The following ADGRE1 variants were observed in gnomAD, a reference collection of about 807,000 sequenced individuals.
ADGRE1 encodes adhesion G protein-coupled receptor E1, also known as EGF-like module receptor 1.
In ADGRE1, 82 loss-of-function variants were observed where a neutral mutation model predicts 102.7. The observed-to-expected ratio is 0.80, with a 90% CI of 0.67 to 0.96. The LOEUF (loss-of-function observed/expected upper bound fraction) is 0.96, where lower values mean the gene tolerates loss of function less well. Ranked by LOEUF, ADGRE1 falls within the 40% of genes least tolerant of loss-of-function variation. ADGRE1 has a pLI of 0.00. For missense variants in ADGRE1, 1,032 were observed against 1,085.3 expected (o/e 0.95, Z 0.69); for synonymous variants, 398 against 399.6 (o/e 1.00, Z 0.05).
chr19:6,906,006 G>A (rs1292733859), intron 8 of ADGRE1, among the ~76,000 whole-genome samples: 2 of 152,120 alleles, frequency 1.3e-5, no homozygotes, highest in Non-Finnish European at 2.9e-5. Context: ...TATTGCTTGT[G>A]TTTGGAGCTT....
intron 5 of ADGRE1, chr19:6,897,795 T>C (rs1973618834): frequency 7.6e-6 from 2 of 264,726 alleles, no homozygotes; most frequent in South Asian, 2.4e-4. Flanking sequence ...TTTTATCTGG[T>C]TTAACAATCT....
chr19:6,892,304 A>T (rs1183309885), intron 2 of ADGRE1, among the ~76,000 whole-genome samples: 7 of 152,194 alleles, frequency 4.6e-5, no homozygotes, highest in Non-Finnish European at 4.4e-5. Context: ...ATAATGTCAC[A>T]ATCACGATAA....
chr19:6,934,779 T>C (rs1975322191), intron 17 of ADGRE1, among the ~76,000 whole-genome samples: 1 of 151,076 alleles, frequency 6.6e-6, no homozygotes, highest in Admixed American at 6.6e-5. Flanking sequence ...TTTTTTTTTT[T>C]TGTATTTTAG....
At position 6,926,617 on chromosome 19, in the gene ADGRE1, T is replaced by G; in HGVS notation, c.2222+16T>G. On this transcript the variant is annotated intron_variant, in intron 16 of 20. Transcript: ENST00000312053. ...TGCATAATCGGTGAGTGACATCCTC[T>G]CTCTTCCTGAAGACCCTGCTGCCAG... 1.2e-6 allele frequency: 2 copies of G among 1,613,246 alleles called. No homozygotes were observed. The highest frequency in any genetic ancestry group is 1.7e-6 in the Non-Finnish European group (2 of 1,179,166).
Position 6,921,888 on chromosome 19 carries a change from G to C in ADGRE1, c.1791+5G>C. Reference sequence around the variant, plus strand: ...ATGGCGTCTGGGGAGCTCACGGTCAGTACTGATGATTTGTTCCCTGAGGCA... The same window carrying C: ...ATGGCGTCTGGGGAGCTCACGGTCACTACTGATGATTTGTTCCCTGAGGCA... On this transcript the variant is annotated splice_donor_5th_base_variant and intron_variant, in intron 14 of 20. Transcript: ENST00000312053. The C allele has an allele frequency of 6.3e-7, 1 of 1,598,086 alleles. No individual in the cohort carries two copies. Among genetic ancestry groups the C allele is most frequent in the Non-Finnish European group, 8.5e-7 (1 of 1,171,028 alleles).
chr19:6,902,367 G>C (rs1188954908), intron 6 of ADGRE1, among the ~76,000 whole-genome samples: 1 of 152,070 alleles, frequency 6.6e-6, no homozygotes, highest in Non-Finnish European at 1.5e-5. Flanking sequence ...GAATGTCCAT[G>C]TTCTCAACCC....
Position 6,913,800 on chromosome 19 carries a change from A to G in ADGRE1, c.1270A>G (p.Ile424Val), listed in dbSNP as rs457857. 0.76 allele frequency: 1,223,196 copies of G among 1,608,870 alleles called. 466,656 individuals carry two copies. The highest frequency in any genetic ancestry group is 0.8 in the East Asian group (35,585 of 44,606). ...LASFWKPSAN[I>V]TPAVRTEYLD... is the part of the protein sequence containing the mutation. ...ATCTTTTTGGAAACCCTCAGCAAATATCACTCCGGCTGTTCGGACGGAATA... is the reference window on the plus strand; with the variant it reads ...ATCTTTTTGGAAACCCTCAGCAAATGTCACTCCGGCTGTTCGGACGGAATA... The change falls in exon 11 of 21, where the codon ATC becomes GTC. Residue 424 changes from isoleucine (I) to valine (V), a missense_variant. By Grantham distance (29) the Ile-to-Val change is conservative. Coordinates refer to ENST00000312053, the MANE Select transcript of ADGRE1 (RefSeq NM_001974.5).
Position 6,934,989 on chromosome 19 carries a change from C to T in ADGRE1, c.2292C>T (p.Ile764=). 2 of 1,578,096 alleles carry T rather than the reference C, an allele frequency of 1.3e-6. No individual in the cohort carries two copies. Among genetic ancestry groups the T allele is most frequent in the Non-Finnish European group, 1.7e-6 (2 of 1,161,340 alleles). ...FLGPVCTVIV[I]NSLLLTWTLW... is the part of the protein sequence containing the mutation. ...CATCCTTCTGCTTGACTTTGCAGATCAACTCCCTTCTCCTGACCTGGACCT... is the reference window on the plus strand; with the variant it reads ...CATCCTTCTGCTTGACTTTGCAGATTAACTCCCTTCTCCTGACCTGGACCT... Residue 764 remains isoleucine, a splice_region_variant and synonymous_variant, in exon 18 of 21, where the codon ATC becomes ATT. Transcript: ENST00000312053.
In ADGRE1 at chr19:6,924,787, A is replaced by G. The variant is rs1206924352; in HGVS notation, c.1901A>G (p.Asn634Ser). The G allele has an allele frequency of 4.3e-6, 7 of 1,613,900 alleles. No individual in the cohort carries two copies. The highest frequency in any genetic ancestry group is 5.9e-6 in the Non-Finnish European group (7 of 1,180,026). ...FLLCRSIRNH[N>S]TYLHLHLCVC... ...CTGTGTCGCTCCATCCGAAATCACA[A>G]CACCTACCTCCACCTGCACCTCTGC... The change falls in exon 15 of 21, where the codon AAC becomes AGC. Residue 634 changes from asparagine to serine, a missense_variant. Asn to Ser is a conservative substitution (Grantham distance 46, BLOSUM62 1). Transcript: ENST00000312053.
intron 13 of ADGRE1, among the ~76,000 whole-genome samples, chr19:6,921,507 A>G (rs543322343): frequency 1.3e-5 from 2 of 152,300 alleles, no homozygotes; most frequent in Middle Eastern, 3.4e-3. Context: ...TGATGAAAGG[A>G]GGAGTTTTCT....
intron 15 of ADGRE1, among the ~76,000 whole-genome samples, chr19:6,925,488 G>A (rs1336870407): frequency 6.6e-6 from 1 of 152,070 alleles, no homozygotes; most frequent in African/African-American, 2.4e-5. Flanking sequence ...GGGAGACTTG[G>A]CAATGTCTGG....
chr19:6,931,814 A>T (rs958773031), intron 17 of ADGRE1, among the ~76,000 whole-genome samples: 2 of 151,962 alleles, frequency 1.3e-5, no homozygotes, highest in Admixed American at 1.3e-4. Flanking sequence ...GAAAAAAAAA[A>T]AGGAACACTA....
intron 2 of ADGRE1, among the ~76,000 whole-genome samples, chr19:6,892,438 T>A (rs1203469989): frequency 1.3e-5 from 2 of 152,220 alleles, no homozygotes; most frequent in African/African-American, 4.8e-5. Flanking sequence ...TTGTTAGTGT[T>A]GCTTTAAAAA....
intron 17 of ADGRE1, among the ~76,000 whole-genome samples, chr19:6,934,726 T>C (rs1385510736): frequency 6.6e-6 from 1 of 151,418 alleles, no homozygotes; most frequent in Non-Finnish European, 1.5e-5. Context: ...GCCTCCTGAG[T>C]AGCTGTGATT....
At chr19:6,924,528 AAGGACAGTATCTAGTTCACTCTG>A in intron 14 of ADGRE1, 127 bp from the exon 15 acceptor site, 1 of 647,092 alleles carries the variant, frequency 1.5e-6, no homozygotes, top group Non-Finnish European at 2.7e-6. Context: ...AAGGATAATG[AAGGACAGTATCTAGTTCACTCTG>A]AGTGTTAGAG....
In ADGRE1 at chr19:6,935,034, G is replaced by T. The variant is rs1481392899; in HGVS notation, c.2337G>T (p.Arg779Ser). Reference sequence around the variant, plus strand: ...GGACCTTGTGGATCCTGAGGCAGAGGCTTTCCAGTGTTAATGCCGAAGTCT... The same window carrying T: ...GGACCTTGTGGATCCTGAGGCAGAGTCTTTCCAGTGTTAATGCCGAAGTCT... ...LTWTLWILRQ[R>S]LSSVNAEVST... Residue 779 changes from arginine (R) to serine (S), a missense_variant, in exon 18 of 21, where the codon AGG (arginine) becomes AGT (serine). Physicochemically the swap from Arg to Ser is moderately radical, Grantham distance 110. Coordinates refer to ENST00000312053, the MANE Select transcript of ADGRE1 (RefSeq NM_001974.5). The T allele has an allele frequency of 1.9e-6, 3 of 1,600,226 alleles. No individual in the cohort carries two copies. The highest frequency in any genetic ancestry group is 2.6e-6 in the Non-Finnish European group (3 of 1,172,876).
chr19:6,926,764 C>T (rs1736010154), intron 16 of ADGRE1, among the ~76,000 whole-genome samples, 163 bp downstream of exon 16: 1 of 152,144 alleles, frequency 6.6e-6, no homozygotes, highest in South Asian at 2.1e-4. Flanking sequence ...TGTACAGCAG[C>T]ATGGGTTGTG....
At chr19:6,911,565 CCTAT>C (rs537454290) in intron 10 of ADGRE1, among the ~76,000 whole-genome samples, 16 of 151,380 alleles carry the variant, frequency 1.1e-4, no homozygotes, top group South Asian at 2.1e-4. Flanking sequence ...AGTATCTTCC[CCTAT>C]CTTTTTACCT....
At chr19:6,937,893 A>C (rs1975493273) in intron 20 of ADGRE1, among the ~76,000 whole-genome samples, 1 of 152,056 alleles carries the variant, frequency 6.6e-6, no homozygotes, top group African/African-American at 2.4e-5. Context: ...TTTATAACAG[A>C]TTTACATAGA....
Sources: gnomAD v4.1 joint callset for allele counts (sites outside exome capture counted in the v4.1 genomes callset) on GRCh38, gnomAD v4.1.1 for gene constraint, MANE v1.5 for transcripts, NCBI Gene and HGNC (gene_info 2026-07-23, HGNC 2026-07-21) for gene names.